The following ARMC2 variants were observed in gnomAD, a reference collection of about 807,000 sequenced individuals.
The protein encoded by ARMC2 is armadillo repeat containing 2, also known as armadillo repeat-containing protein 2.
In ARMC2, 67 loss-of-function variants were observed where a neutral mutation model predicts 90.3. The observed-to-expected ratio is 0.74, with a 90% CI of 0.61 to 0.91. The LOEUF (loss-of-function observed/expected upper bound fraction) is 0.91, where lower values mean the gene tolerates loss of function less well. Ranked by LOEUF, ARMC2 falls within the 40% of genes least tolerant of loss-of-function variation. The pLI, the probability that ARMC2 is intolerant of heterozygous loss-of-function variation, is 0.00. For synonymous variants in ARMC2, 393 were observed against 393.0 expected, an observed-to-expected ratio of 1.00 and a Z score of 0.00; for missense variants, 920 against 1,030.9, an observed-to-expected ratio of 0.89 and a Z score of 1.47.
chr6:108,852,385 G>A (rs1392742978), intron 1 of ARMC2, among the ~76,000 whole-genome samples: 1 of 152,108 alleles, frequency 6.6e-6, no homozygotes, highest in Non-Finnish European at 1.5e-5. Flanking sequence ...AAAGAAGAAG[G>A]ATAGAGAAAA....
chr6:108,943,915 A>T (rs528572781), intron 12 of ARMC2, among the ~76,000 whole-genome samples: 26 of 152,322 alleles, frequency 1.7e-4, no homozygotes, highest in African/African-American at 5.1e-4. Flanking sequence ...AAATTTTTTT[A>T]AATTAAAAAT....
intron 5 of ARMC2, among the ~76,000 whole-genome samples, chr6:108,889,863 T>C (rs1770780096): frequency 6.6e-6 from 1 of 151,820 alleles, no homozygotes; most frequent in Non-Finnish European, 1.5e-5. Flanking sequence ...TAGTACTTTA[T>C]TAACAACTCT....
intron 10 of ARMC2, among the ~76,000 whole-genome samples, chr6:108,924,772 C>A (rs1405223771): frequency 6.6e-6 from 1 of 152,120 alleles, no homozygotes; most frequent in African/African-American, 2.4e-5. Flanking sequence ...GCAGGGAAGG[C>A]GGAGCTTTGA....
chr6:108,972,511 C>A (rs182977140), intron 17 of ARMC2, among the ~76,000 whole-genome samples: 10 of 152,240 alleles, frequency 6.6e-5, no homozygotes, highest in Admixed American at 4.6e-4. Context: ...TCCTTTTATA[C>A]CTAACCTTTG....
chr6:108,969,235 C>G (rs117107554), intron 17 of ARMC2, among the ~76,000 whole-genome samples: 1 of 152,090 alleles, frequency 6.6e-6, no homozygotes, highest in African/African-American at 2.4e-5. Flanking sequence ...CTAGAACATT[C>G]GACAACTTTG....
chr6:109,046,897 G>A, the ARMC2 span, among the ~76,000 whole-genome samples: 633 of 121,402 alleles, frequency 5.2e-3, 49 homozygotes, highest in East Asian at 0.14. Context: ...CAGCTGCCCC[G>A]TCTGAGAAGT....
intron 6 of ARMC2, among the ~76,000 whole-genome samples, chr6:108,895,965 G>A (rs1771573866): frequency 6.6e-6 from 1 of 152,170 alleles, no homozygotes; most frequent in African/African-American, 2.4e-5. Context: ...GTACACTGAT[G>A]TCTGTTATAT....
intron 10 of ARMC2, among the ~76,000 whole-genome samples, chr6:108,919,340 C>T (rs1774308748): frequency 1.3e-5 from 2 of 152,050 alleles, no homozygotes; most frequent in African/African-American, 4.8e-5. Flanking sequence ...TATGTTAATT[C>T]TTTATCTTGC....
At chr6:108,989,449 C>CTGTA in the ARMC2 span, among the ~76,000 whole-genome samples, 1 of 148,056 alleles carries the variant, frequency 6.8e-6, no homozygotes, top group African/African-American at 2.6e-5. Flanking sequence ...CTAGATACAT[C>CTGTA]TCTATATCTA....
intron 4 of ARMC2, among the ~76,000 whole-genome samples, chr6:108,871,564 T>A (rs910615286): frequency 2.0e-5 from 3 of 152,172 alleles, no homozygotes. Flanking sequence ...GTGTTCTTGC[T>A]TGTGAGGTTG....
intron 17 of ARMC2, among the ~76,000 whole-genome samples, chr6:108,967,074 C>A (rs982545490): frequency 1.3e-5 from 2 of 152,168 alleles, no homozygotes; most frequent in Non-Finnish European, 2.9e-5. Context: ...TTCTGGAGAC[C>A]CAGCTGTGTT....
intron 12 of ARMC2, among the ~76,000 whole-genome samples, chr6:108,948,799 G>T (rs1268717711): frequency 6.6e-6 from 1 of 152,018 alleles, no homozygotes. Context: ...AAGAAAAGCA[G>T]CACTTAGTCT....
At chr6:108,954,206 T>C (rs1347829953) in intron 13 of ARMC2, among the ~76,000 whole-genome samples, 1 of 152,228 alleles carries the variant, frequency 6.6e-6, no homozygotes, top group Admixed American at 6.5e-5. Flanking sequence ...CTTCAACATA[T>C]GAATTTTGTT....
At chr6:108,968,914 A>G (rs1778563860) in intron 17 of ARMC2, among the ~76,000 whole-genome samples, 1 of 152,180 alleles carries the variant, frequency 6.6e-6, no homozygotes, top group African/African-American at 2.4e-5. Context: ...AGTGGCTTTA[A>G]AAGAACGTGG....
At chr6:108,977,737 GTGTCCAGCAATT>G (rs1281334151), downstream of ARMC2, among the ~76,000 whole-genome samples, 62 of 152,276 alleles carry the variant, frequency 4.1e-4, no homozygotes, top group African/African-American at 1.4e-3. Context: ...GAAGGTGTAT[GTGTCCAGCAATT>G]TATCCATTTC....
chr6:108,926,237 A>T (rs549997089), intron 10 of ARMC2, among the ~76,000 whole-genome samples: 1 of 152,190 alleles, frequency 6.6e-6, no homozygotes, highest in African/African-American at 2.4e-5. Context: ...TCTGCATGGG[A>T]GTTACACAGG....
chr6:108,892,900 G>A (rs1690957691), intron 5 of ARMC2, among the ~76,000 whole-genome samples: 1 of 152,340 alleles, frequency 6.6e-6, no homozygotes, highest in Non-Finnish European at 1.5e-5. Flanking sequence ...CACTACACAG[G>A]AAGGAGAAGC....
chr6:108,919,477 A>G (rs541121630), intron 10 of ARMC2, among the ~76,000 whole-genome samples: 2 of 152,280 alleles, frequency 1.3e-5, no homozygotes, highest in Non-Finnish European at 2.9e-5. Flanking sequence ...AAATGGGAGC[A>G]AATAGCCCCA....
the ARMC2 span, chr6:109,009,293 G>A: frequency 1.4e-6 from 2 of 1,384,814 alleles, no homozygotes; most frequent in South Asian, 1.4e-5. Flanking sequence ...TGTTGCACAG[G>A]GCAGCTCGGC....
Sources: allele counts gnomAD v4.1 joint callset (sites outside exome capture counted in the v4.1 genomes callset), GRCh38; gene constraint gnomAD v4.1.1; transcripts MANE v1.5; gene names NCBI Gene and HGNC (gene_info 2026-07-23, HGNC 2026-07-21).